TMEM132A: variants seen among roughly 807,000 people sequenced by gnomAD.
TMEM132A encodes the protein GRP78-binding protein.
Under a neutral mutation model 69.9 loss-of-function variants are expected in TMEM132A, and 48 were observed. That is an observed-to-expected ratio of 0.69 (90% CI 0.55 to 0.87). The LOEUF is 0.87. TMEM132A is among the 40% of genes least tolerant of loss of function. TMEM132A has a pLI of 0.00. For synonymous variants in TMEM132A, 577 were observed against 613.7 expected (o/e 0.94, Z 0.88); for missense variants, 1,287 against 1,407.2 (o/e 0.91, Z 1.37).
chr11:60,935,340 A>G lies in TMEM132A; in HGVS notation c.1925A>G (p.Gln642Arg). The G allele has an allele frequency of 1.2e-6, 2 of 1,613,132 alleles. No homozygotes were observed. Among genetic ancestry groups the G allele is most frequent in the Non-Finnish European group, 1.7e-6 (2 of 1,179,766 alleles). ...DKVSVLELRV[Q>R]PVMGISLTLS... ...GTCTCAGTGCTGGAGCTGAGGGTGC[A>G]GCCAGTGATGGGCATCTCGCTGACC... Residue 642 changes from glutamine (Q) to arginine (R), a missense_variant, in exon 10 of 11, where the codon CAG (glutamine) becomes CGG (arginine). Coordinates refer to ENST00000453848, the MANE Select transcript of TMEM132A (RefSeq NM_178031.3). The surrounding 1 kb of genome is among the most constrained non-coding windows in gnomAD (Gnocchi z 5.0).
chr11:60,925,741 TAGAG>T (rs1388119047), intron 1 of TMEM132A: 1 of 152,304 alleles, frequency 6.6e-6, no homozygotes, highest in Non-Finnish European at 1.5e-5. Flanking sequence ...GGAGTCCTAA[TAGAG>T]AGAGGAGGAA....
intron 7 of TMEM132A, 119 bp downstream of exon 7, chr11:60,932,246 A>T: frequency 7.9e-7 from 1 of 1,266,286 alleles, no homozygotes; most frequent in Non-Finnish European, 1.0e-6. Flanking sequence ...TTGAGACGAG[A>T]AACCTCATGG....
rs569159831 is a variant in TMEM132A at position 60,936,449 on chromosome 11, G to A, written c.2614G>A (p.Val872Ile). The change falls in exon 11 of 11, where the codon GTC becomes ATC. Residue 872 changes from valine (V) to isoleucine (I), a missense_variant. Coordinates refer to ENST00000453848, the MANE Select transcript of TMEM132A (RefSeq NM_178031.3). ...CTTCTTGGTCAATGGTGTGGTCTTCGTCCTGCGCTATCAGCGCAAAGAACC... is the reference window on the plus strand; with the variant it reads ...CTTCTTGGTCAATGGTGTGGTCTTCATCCTGCGCTATCAGCGCAAAGAACC... ...FIFLVNGVVF[V>I]LRYQRKEPPD... 4.0e-5 allele frequency: 64 copies of A among 1,614,188 alleles called. 1 individual carries two copies. The Middle Eastern group carries it at 3.5e-3, about 87-fold the overall frequency.
At chr11:60,934,161 A>C (rs1856540228) in intron 8 of TMEM132A, 2 of 369,824 alleles carry the variant, frequency 5.4e-6, no homozygotes, top group Non-Finnish European at 9.6e-6. Context: ...ACCCAGGGAG[A>C]GGTGGCCCAC....
At chr11:60,928,553 T>G in intron 3 of TMEM132A, 76 bp from the exon 4 acceptor site, 1 of 1,397,244 alleles carries the variant, frequency 7.2e-7, no homozygotes. Context: ...CTGGGTTTCC[T>G]GCCATGGGTG....
Position 60,931,481 on chromosome 11 carries a change from G to A in TMEM132A, c.1017-208G>A, listed in dbSNP as rs541325733. On this transcript the variant is annotated intron_variant, in intron 5 of 10. Coordinates refer to ENST00000453848, the MANE Select transcript of TMEM132A (RefSeq NM_178031.3). ...CATGGATCTTAGAGAGGCCAAGAGT[G>A]GGTCAGAGTTTGGGGTCTAGAGCGA... Among the ~76,000 whole-genome samples the A allele has an allele frequency of 3.3e-5, 5 of 152,290 alleles. No individual in the cohort carries two copies. In the East Asian group the frequency reaches 9.6e-4, roughly 29 times the overall value.
chr11:60,929,445 G>C (rs2134898349), intron 4 of TMEM132A, among the ~76,000 whole-genome samples: 1 of 152,292 alleles, frequency 6.6e-6, no homozygotes, highest in South Asian at 2.1e-4. Flanking sequence ...CTGATTCTTT[G>C]TGTCCTTTTC....
At chr11:60,928,186 G>A (rs970228786) in intron 3 of TMEM132A, among the ~76,000 whole-genome samples, 1 of 152,174 alleles carries the variant, frequency 6.6e-6, no homozygotes, top group Non-Finnish European at 1.5e-5. Flanking sequence ...GATAGCTTAC[G>A]GCAGAGTAAT....
rs1375331456 is a variant in TMEM132A at position 60,935,393 on chromosome 11, G to A, written c.1978G>A (p.Glu660Lys). ...TLSRGTAHPGEVTATCWAQSA... is the reference protein window; with the variant it reads ...TLSRGTAHPGKVTATCWAQSA... ...GAGCCGGGGCACTGCCCACCCCGGG[G>A]AGGTCACAGCTACGTGCTGGGCACA... The change falls in exon 10 of 11, where the codon GAG (glutamate) becomes AAG (lysine). Residue 660 changes from glutamate to lysine, a missense_variant. Transcript: ENST00000453848. This position sits in a 1 kb window ranked among gnomAD's most constrained non-coding sequence, Gnocchi z 5.0. 6.2e-7 allele frequency: 1 copy of A among 1,612,080 alleles called. No homozygotes were observed. Among genetic ancestry groups the A allele is most frequent in the Non-Finnish European group, 8.5e-7 (1 of 1,179,408 alleles).
Position 60,931,865 on chromosome 11 carries a change from C to T in TMEM132A, c.1193C>T (p.Ala398Val). 1 of 1,614,222 alleles carries T rather than the reference C, an allele frequency of 6.2e-7. No individual in the cohort carries two copies. The highest frequency in any genetic ancestry group is 8.5e-7 in the Non-Finnish European group (1 of 1,180,038). ...EILVSERDIR[A>V]LIPLAKAEEL... ...CTGGTGTCTGAGCGGGACATCAGAG[C>T]CCTTATCCCACTGGCCAAGGTAAGG... Residue 398 changes from alanine (A) to valine (V), a missense_variant, in exon 6 of 11, where the codon GCC (alanine) becomes GTC (valine). Coordinates refer to ENST00000453848, the MANE Select transcript of TMEM132A (RefSeq NM_178031.3).
chr11:60,932,026 C>A lies in TMEM132A; in HGVS notation c.1255C>A (p.Gln419Lys). The change falls in exon 7 of 11, where the codon CAG (glutamine) becomes AAG (lysine). Residue 419 changes from glutamine to lysine, a missense_variant. By Grantham distance (53) the Gln-to-Lys change is moderately conservative (BLOSUM62 1). Coordinates refer to ENST00000453848, the MANE Select transcript of TMEM132A (RefSeq NM_178031.3). ...TACAGCACCACTGACTGGAGTGCCC[C>A]AGCATGTCCCCGTGCGCCTTGTCAC... Reference protein sequence around the residue: ...VNTAPLTGVPQHVPVRLVTVD... With the variant: ...VNTAPLTGVPKHVPVRLVTVD... 6.2e-7 allele frequency: 1 copy of A among 1,600,216 alleles called. No individual in the cohort carries two copies. Among genetic ancestry groups the A allele is most frequent in the Non-Finnish European group, 8.5e-7 (1 of 1,173,614 alleles).
At position 60,936,386 on chromosome 11, in the gene TMEM132A, T is replaced by C; in HGVS notation, c.2551T>C (p.Tyr851His). The change falls in exon 11 of 11, where the codon TAC becomes CAC. Residue 851 changes from tyrosine to histidine, a missense_variant. Transcript: ENST00000453848. ...TGTCACTGAGCTAGAGCTGGGCATG[T>C]ACGCCCTGCTGGGAGTCTTCTGCGT... is the stretch of plus-strand genomic sequence containing the variant. ...QHVTELELGM[Y>H]ALLGVFCVAI... The C allele has an allele frequency of 1.9e-6, 3 of 1,614,164 alleles. No individual in the cohort carries two copies. The highest frequency in any genetic ancestry group is 2.2e-5 in the East Asian group (1 of 44,876).
At position 60,924,701 on chromosome 11, in the gene TMEM132A, T is replaced by C; in HGVS notation, c.68T>C (p.Leu23Pro). The C allele has an allele frequency of 6.3e-7, 1 of 1,588,826 alleles. No individual in the cohort carries two copies. The highest frequency in any genetic ancestry group is 1.7e-5 in the Admixed American group (1 of 59,262). The change falls in exon 1 of 11, where the codon CTC becomes CCC. Residue 23 changes from leucine (L) to proline (P), a missense_variant. Coordinates refer to ENST00000453848, the MANE Select transcript of TMEM132A (RefSeq NM_178031.3). ...GGGCCCTACGGCCCCTGGCTCTGCC[T>C]CCTGGTGGCCCTCGCCCTGGACGTC... ...PRGPYGPWLCLLVALALDVVR... is the reference protein window; with the variant it reads ...PRGPYGPWLCPLVALALDVVR...
chr11:60,924,619 C>A lies in TMEM132A; in HGVS notation c.-15C>A, dbSNP rs756339874. On this transcript the variant is annotated 5_prime_UTR_variant, in exon 1 of 11. Transcript: ENST00000453848. ...ACCTGAGCCGCCCGCCTCGTCCCCG[C>A]CTTCTGTGGGAAGGATGTGCGCGCG... 2.5e-6 allele frequency: 4 copies of A among 1,585,234 alleles called. No homozygotes were observed. The Admixed American group carries it at 5.1e-5, about 20-fold the overall frequency.
rs117270364 is a variant in TMEM132A at position 60,926,903 on chromosome 11, A to C, written c.101-301A>C. The C allele has an allele frequency of 8.1e-3, 3,847 of 472,590 alleles. 29 individuals are homozygous for C. The highest frequency in any genetic ancestry group is 0.014 in the Middle Eastern group (27 of 1,982). 29.3% of individuals were successfully genotyped at this position (472,590 alleles called of 1,614,324 possible). On this transcript the variant is annotated intron_variant, in intron 1 of 10. Coordinates refer to ENST00000453848, the MANE Select transcript of TMEM132A (RefSeq NM_178031.3). ...TAGATGGAGGGCAGGAGTTGGGGAA[A>C]AGGAGACATTGAGAAGGCTGTTGGC... is the stretch of plus-strand genomic sequence containing the variant.
intron 1 of TMEM132A, among the ~76,000 whole-genome samples, chr11:60,925,034 G>A (rs753593423): frequency 6.6e-6 from 1 of 152,124 alleles, no homozygotes; most frequent in Non-Finnish European, 1.5e-5. Context: ...ATCGAACCCG[G>A]CGGCCCCGGT....
chr11:60,936,981 C>A lies in TMEM132A; in HGVS notation c.*74C>A. 2 of 1,361,556 alleles carry A rather than the reference C, an allele frequency of 1.5e-6. No individual in the cohort carries two copies. Among genetic ancestry groups the A allele is most frequent in the Non-Finnish European group, 9.7e-7 (1 of 1,025,908 alleles). 84.3% of individuals were successfully genotyped at this position (1,361,556 alleles called of 1,614,324 possible). A position where few individuals can be genotyped will look rare whatever the true frequency, so the allele number is the denominator to read the frequency against. ...GGTCCCACTGAGCCTCTCGCCTGCC[C>A]CCGCCACTCGTCTGGTGCTTGTTGA... is the stretch of plus-strand genomic sequence containing the variant. On this transcript the variant is annotated 3_prime_UTR_variant, in exon 11 of 11. Transcript: ENST00000453848.
In TMEM132A at chr11:60,937,090, G is replaced by A. The variant is rs1398706610; in HGVS notation, c.*183G>A. On this transcript the variant is annotated 3_prime_UTR_variant, in exon 11 of 11. Coordinates refer to ENST00000453848, the MANE Select transcript of TMEM132A (RefSeq NM_178031.3). ...CCCTTGTCATGGACCATGGTCGTGA[G>A]GAAGGGCTCATGCCCCTTATTTATG... The A allele has an allele frequency of 7.1e-6, 10 of 1,402,128 alleles. No homozygotes were observed. The highest frequency in any genetic ancestry group is 9.5e-6 in the Non-Finnish European group (10 of 1,050,294). 86.9% of individuals were successfully genotyped at this position (1,402,128 alleles called of 1,614,324 possible). A position where few individuals can be genotyped will look rare whatever the true frequency, so the allele number is the denominator to read the frequency against.
At position 60,934,625 on chromosome 11, in the gene TMEM132A, C is replaced by T. The variant is rs1219157753; in HGVS notation, c.1697C>T (p.Thr566Met). ...CCGCTGGACGGCGGCCGCCGCCTCACGCACCTGCTTGGCCCCGACTGGCTG... is the reference window on the plus strand; with the variant it reads ...CCGCTGGACGGCGGCCGCCGCCTCATGCACCTGCTTGGCCCCGACTGGCTG... ...AHPLDGGRRL[T>M]HLLGPDWLLD... Residue 566 changes from threonine (T) to methionine (M), a missense_variant, in exon 9 of 11, where the codon ACG (threonine) becomes ATG (methionine). Physicochemically the swap from Thr to Met is moderately conservative, Grantham distance 81 (BLOSUM62 -1). Transcript: ENST00000453848. 3 of 1,589,100 alleles carry T rather than the reference C, an allele frequency of 1.9e-6. No homozygotes were observed. The highest frequency in any genetic ancestry group is 3.4e-5 in the Admixed American group (2 of 58,892).
Sources: allele counts gnomAD v4.1 joint callset (sites outside exome capture counted in the v4.1 genomes callset), GRCh38; gene constraint gnomAD v4.1.1; non-coding constraint Gnocchi (gnomAD v3.1); transcripts MANE v1.5; gene names NCBI Gene and HGNC (gene_info 2026-07-23, HGNC 2026-07-21).